Variants in NFKBIB observed in about 807,000 individuals in gnomAD.
The protein encoded by NFKBIB is NFKB inhibitor beta.
A neutral mutation model predicts 32.1 loss-of-function variants in NFKBIB; 16 were observed. The observed-to-expected ratio is 0.50, with a 90% CI of 0.34 to 0.76. The LOEUF (loss-of-function observed/expected upper bound fraction) is 0.76. Ranked by LOEUF, NFKBIB falls within the 30% of genes least tolerant of loss-of-function variation. NFKBIB has a pLI of 0.01. For synonymous variants in NFKBIB, 222 were observed against 219.5 expected, an observed-to-expected ratio of 1.01 and a Z score of -0.10; for missense variants, 437 against 514.9, an observed-to-expected ratio of 0.85 and a Z score of 1.46.
chr19:38,900,659 AAGAG>A (rs921149812), intron 1 of NFKBIB, among the ~76,000 whole-genome samples: 1 of 152,192 alleles, frequency 6.6e-6, no homozygotes, highest in Non-Finnish European at 1.5e-5. Context: ...CTTAAATTCA[AAGAG>A]AGAGAATGTA....
chr19:38,906,132 T>G (rs921420464), intron 3 of NFKBIB, among the ~76,000 whole-genome samples: 13 of 70,084 alleles, frequency 1.9e-4, no homozygotes, highest in Admixed American at 1.4e-3. Flanking sequence ...ACTTGGTACC[T>G]TTTTTTTTTT....
intron 1 of NFKBIB, among the ~76,000 whole-genome samples, chr19:38,902,886 TAA>T (rs1414138583): frequency 1.3e-5 from 2 of 152,030 alleles, no homozygotes; most frequent in African/African-American, 2.4e-5. Context: ...CCATCCTGGC[TAA>T]CATGGTGAAA....
intron 1 of NFKBIB, among the ~76,000 whole-genome samples, chr19:38,902,084 T>TTTTTTTTA (rs1600142737): frequency 9.5e-6 from 1 of 105,052 alleles, no homozygotes; most frequent in East Asian, 5.5e-4. Context: ...TCATTTTATT[T>TTTTTTTTA]CTTTTTTTTT....
chr19:38,905,363 C>G lies in NFKBIB; in HGVS notation c.447C>G (p.Pro149=). ...AHACARALLQ[P]RPRRPREAPD... is the part of the protein sequence containing the mutation. ...CCTGTGCCCGTGCCCTGCTTCAGCC[C>G]CGCCCCCGGCGCCCCAGGGAAGCCC... Residue 149 remains proline (P), a synonymous_variant, in exon 3 of 6, where the codon CCC becomes CCG. Transcript: ENST00000313582. The surrounding 1 kb of genome is among the most constrained non-coding windows in gnomAD (Gnocchi z 5.5). 1 of 1,612,488 alleles carries G rather than the reference C, an allele frequency of 6.2e-7. No individual in the cohort carries two copies. The highest frequency in any genetic ancestry group is 1.1e-5 in the South Asian group (1 of 91,030).
At position 38,907,406 on chromosome 19, in the gene NFKBIB, C is replaced by G. The variant is rs775296382; in HGVS notation, c.716C>G (p.Thr239Arg). The G allele has an allele frequency of 8.8e-6, 14 of 1,589,440 alleles. No individual in the cohort carries two copies. The highest frequency in any genetic ancestry group is 1.1e-5 in the Non-Finnish European group (13 of 1,163,228). ...TCTGTTGCACCCCCACAGGAGCCCA[C>G]GTGCGGCCGGAGCCCCCTTCATTTG... ...AGADLDKPEP[T>R]CGRSPLHLAV... The change falls in exon 5 of 6, where the codon ACG (threonine) becomes AGG (arginine). Residue 239 changes from threonine (T) to arginine (R), a missense_variant. Transcript: ENST00000313582.
intron 1 of NFKBIB, among the ~76,000 whole-genome samples, chr19:38,901,328 C>T (rs1181483466): frequency 1.3e-5 from 2 of 151,860 alleles, no homozygotes; most frequent in Admixed American, 6.6e-5. Context: ...CGAAGTCTCA[C>T]TCTGTCGCCC....
intron 5 of NFKBIB, 135 bp from the exon 6 acceptor site, chr19:38,908,596 T>C: frequency 7.3e-7 from 1 of 1,364,862 alleles, no homozygotes; most frequent in Non-Finnish European, 9.4e-7. Flanking sequence ...GCTAGGAAAC[T>C]GGGAGGTTGA....
At chr19:38,907,941 G>A in intron 5 of NFKBIB, 3 of 1,272,366 alleles carry the variant, frequency 2.4e-6, no homozygotes, top group Non-Finnish European at 3.0e-6. Context: ...CAGCGGGGGT[G>A]GGTGGTAGCG....
intron 3 of NFKBIB, among the ~76,000 whole-genome samples, chr19:38,906,832 A>G (rs1362914691): frequency 6.6e-6 from 1 of 151,332 alleles, no homozygotes; most frequent in Non-Finnish European, 1.5e-5. Flanking sequence ...TGAACTCCTG[A>G]GCTCAAGTGA....
At chr19:38,906,437 C>T (rs1315213638) in intron 3 of NFKBIB, among the ~76,000 whole-genome samples, 1 of 148,860 alleles carries the variant, frequency 6.7e-6, no homozygotes, top group East Asian at 2.0e-4. Flanking sequence ...GTGTGAGCCA[C>T]CGTGCCTGGG....
In NFKBIB at chr19:38,905,545, G is replaced by A. The variant is rs369255718; in HGVS notation, c.619+10G>A. 386 of 1,588,230 alleles carry A rather than the reference G, an allele frequency of 2.4e-4. No homozygotes were observed. The highest frequency in any genetic ancestry group is 1.7e-3 in the Middle Eastern group (10 of 5,900). ...GCTGAAAACTACGAGGGTGAGGGTC[G>A]TCACCAGGGAAGGACTCAGCTCCTG... On this transcript the variant is annotated intron_variant, in intron 3 of 5. Coordinates refer to ENST00000313582, the MANE Select transcript of NFKBIB (RefSeq NM_002503.5). This position sits in a 1 kb window ranked among gnomAD's most constrained non-coding sequence, Gnocchi z 5.5.
At chr19:38,904,696 C>T (rs1379974906) in intron 1 of NFKBIB, among the ~76,000 whole-genome samples, 1 of 152,144 alleles carries the variant, frequency 6.6e-6, no homozygotes, top group Admixed American at 6.5e-5. Context: ...ATTCATTGCA[C>T]GATGTCCAGT....
chr19:38,903,050 C>T lies in NFKBIB; in HGVS notation c.180-1965C>T, dbSNP rs561617282. 6.6e-5 allele frequency among the ~76,000 whole-genome samples: 10 copies of T among 151,880 alleles called. No individual in the cohort carries two copies. The East Asian group carries it at 1.9e-3, about 29-fold the overall frequency. ...CGCCACTGCACTCCAGCCTGGGCAG[C>T]AGAACGAGACTCCATCTCAAAAAAA... On this transcript the variant is annotated intron_variant, in intron 1 of 5. Coordinates refer to ENST00000313582, the MANE Select transcript of NFKBIB (RefSeq NM_002503.5).
rs2144732557 is a variant in NFKBIB at position 38,905,341 on chromosome 19, G to A, written c.425G>A (p.Cys142Tyr). Reference sequence around the variant, plus strand: ...GCCTGCCGTGTGGGGGCACACGCCTGTGCCCGTGCCCTGCTTCAGCCCCGC... The same window carrying A: ...GCCTGCCGTGTGGGGGCACACGCCTATGCCCGTGCCCTGCTTCAGCCCCGC... ...HLACRVGAHA[C>Y]ARALLQPRPR... The change falls in exon 3 of 6, where the codon TGT becomes TAT. Residue 142 changes from cysteine (C) to tyrosine (Y), a missense_variant. Coordinates refer to ENST00000313582, the MANE Select transcript of NFKBIB (RefSeq NM_002503.5). The surrounding 1 kb of genome is among the most constrained non-coding windows in gnomAD (Gnocchi z 5.5). 6.2e-7 allele frequency: 1 copy of A among 1,611,284 alleles called. No homozygotes were observed. Among genetic ancestry groups the A allele is most frequent in the East Asian group, 2.2e-5 (1 of 44,870 alleles).
intron 3 of NFKBIB, among the ~76,000 whole-genome samples, chr19:38,906,143 T>C (rs890697002): frequency 2.7e-5 from 4 of 145,838 alleles, no homozygotes; most frequent in African/African-American, 1.0e-4. Flanking sequence ...TTTTTTTTTT[T>C]TTTTTTTTTT....
At position 38,905,311 on chromosome 19, in the gene NFKBIB, A is replaced by T; in HGVS notation, c.395A>T (p.His132Leu). 5 of 1,608,784 alleles carry T rather than the reference A, an allele frequency of 3.1e-6. No homozygotes were observed. Among genetic ancestry groups the T allele is most frequent in the Non-Finnish European group, 4.2e-6 (5 of 1,178,526 alleles). Residue 132 changes from histidine to leucine, a missense_variant, in exon 3 of 6, where the codon CAC (histidine) becomes CTC (leucine). By Grantham distance (99) the His-to-Leu change is moderately conservative. Transcript: ENST00000313582. The surrounding 1 kb of genome is among the most constrained non-coding windows in gnomAD (Gnocchi z 5.5). ...VAERRGHTAL[H>L]LACRVGAHAC... ...GAGCGTAGGGGCCACACGGCGCTGC[A>T]CCTGGCCTGCCGTGTGGGGGCACAC...
Position 38,907,629 on chromosome 19 carries a change from C to T in NFKBIB, c.939C>T (p.Ser313=). Residue 313 remains serine, a synonymous_variant, in exon 5 of 6, where the codon AGC becomes AGT. Transcript: ENST00000313582. ...GEDEKSGPCS[S]SSDSDSGDEG... ...ACGAGAAATCCGGCCCCTGCAGCAG[C>T]AGTAGCGACAGCGACAGCGGAGACG... 2 of 1,609,598 alleles carry T rather than the reference C, an allele frequency of 1.2e-6. No individual in the cohort carries two copies. The highest frequency in any genetic ancestry group is 1.7e-6 in the Non-Finnish European group (2 of 1,178,484).
chr19:38,907,880 G>GA (rs1220776229), intron 5 of NFKBIB: 1 of 1,390,344 alleles, frequency 7.2e-7, no homozygotes, highest in African/African-American at 1.5e-5. Context: ...GGCAAAGGTA[G>GA]AACTCAGGCA....
At chr19:38,907,181 C>G in intron 3 of NFKBIB, 40 bp from the exon 4 acceptor site, 1 of 1,551,388 alleles carries the variant, frequency 6.4e-7, no homozygotes, top group Non-Finnish European at 8.8e-7. Context: ...GTGGGGGGGG[C>G]CCTCACCTCA....
Sources: gnomAD v4.1 joint callset for allele counts (sites outside exome capture counted in the v4.1 genomes callset) on GRCh38, gnomAD v4.1.1 for gene constraint, Gnocchi (gnomAD v3.1) non-coding constraint, MANE v1.5 for transcripts, NCBI Gene and HGNC (gene_info 2026-07-23, HGNC 2026-07-21) for gene names.